ARMCX4: variants seen among roughly 807,000 people sequenced by gnomAD.
ARMCX4 encodes armadillo repeat-containing X-linked protein 4.
In ARMCX4, 3 loss-of-function variants were observed where a neutral mutation model predicts 34.7. The ratio of observed to expected loss-of-function variants is 0.09; its 90% CI spans 0.04 to 0.22. The LOEUF (loss-of-function observed/expected upper bound fraction) is 0.22. Among genes scored for constraint, ARMCX4 ranks in the 10% least tolerant of loss-of-function variants. The probability of loss-of-function intolerance (pLI) is 1.00; values close to 1 mark genes in which losing one functional copy is unlikely to be tolerated. For missense variants in ARMCX4, 1,448 were observed against 1,720.8 expected (o/e 0.84, Z 2.81); for synonymous variants, 513 against 632.8 (o/e 0.81, Z 2.84).
At position 101,492,486 on chromosome X, in the gene ARMCX4, C is replaced by T. The variant is rs1027597042; in HGVS notation, c.3897C>T (p.Ala1299=). ...VSYWAGVVDQ[A]GGGSWAGTSD... ...ACTGGGCTGGGGTTGTGGATCAGGC[C>T]GGTGGAGGGTCCTGGGCTGGGACTA... The change falls in exon 6 of 6, where the codon GCC becomes GCT. Residue 1299 remains alanine (A), a synonymous_variant. Coordinates refer to ENST00000423738, the MANE Select transcript of ARMCX4 (RefSeq NM_001256155.3). The T allele has an allele frequency of 6.3e-5, 72 of 1,149,604 alleles. 1 individual carries two copies. Among genetic ancestry groups the T allele is most frequent in the East Asian group, 5.9e-4 (18 of 30,566 alleles). The allele number at this position is 1,149,604 out of a possible 1,213,427, so 94.7% of individuals were successfully genotyped here.
chrX:101,513,034 T>C (rs1556016824), intron 11 of ARMCX4, among the ~76,000 whole-genome samples: 1 of 109,194 alleles, frequency 9.2e-6, no homozygotes, highest in Non-Finnish European at 1.9e-5. Flanking sequence ...GTAGGGCATG[T>C]TGCAGGCTAG....
At chrX:101,435,682 C>G (rs1359492580) in intron 2 of ARMCX4, among the ~76,000 whole-genome samples, 1 of 109,258 alleles carries the variant, frequency 9.2e-6, no homozygotes, top group Non-Finnish European at 1.9e-5. Flanking sequence ...CTTTTGTTGC[C>G]ATTGCTTTTG....
intron 11 of ARMCX4, among the ~76,000 whole-genome samples, chrX:101,523,413 C>T (rs965915687): frequency 7.1e-5 from 8 of 112,043 alleles, no homozygotes; most frequent in African/African-American, 2.6e-4. Context: ...CATCTCCAAG[C>T]CATCCACATA....
At chrX:101,485,861 C>T (rs1372941239) in intron 1 of ARMCX4, among the ~76,000 whole-genome samples, 162 bp from the exon 2 acceptor site, 1 of 111,546 alleles carries the variant, frequency 9.0e-6, no homozygotes, top group Non-Finnish European at 1.9e-5. Context: ...AATGGTGGGC[C>T]TTAGAGACTG....
At chrX:101,485,781 G>A (rs139967133) in intron 1 of ARMCX4, among the ~76,000 whole-genome samples, 352 of 112,211 alleles carry the variant, frequency 3.1e-3, no homozygotes, top group Non-Finnish European at 4.7e-3. Context: ...CTAATCACTG[G>A]CCACACATGT....
At chrX:101,495,993 A>G (rs1206286614), downstream of ARMCX4, among the ~76,000 whole-genome samples, 2 of 111,692 alleles carry the variant, frequency 1.8e-5, no homozygotes, top group East Asian at 5.6e-4. Flanking sequence ...GGGGACCCTT[A>G]GGTAAGCTGG....
chrX:101,491,750 C>A lies in ARMCX4; in HGVS notation c.3161C>A (p.Ala1054Glu), dbSNP rs1475617806. 2.6e-6 allele frequency: 3 copies of A among 1,155,431 alleles called. No homozygotes were observed. Among genetic ancestry groups the A allele is most frequent in the Non-Finnish European group, 3.4e-6 (3 of 872,630 alleles). The change falls in exon 6 of 6, where the codon GCA (alanine) becomes GAA (glutamate). Residue 1054 changes from alanine (A) to glutamate (E), a missense_variant. Physicochemically the swap from Ala to Glu is moderately radical, Grantham distance 107. Transcript: ENST00000423738. ...ARDKSMSTSE[A>E]EATAEDEAYA... ...GACAAGTCTATGTCCACTTCTGAGGCAGAAGCCACAGCAGAAGATGAGGCC... is the reference window on the plus strand; with the variant it reads ...GACAAGTCTATGTCCACTTCTGAGGAAGAAGCCACAGCAGAAGATGAGGCC...
chrX:101,426,566 A>G (rs1009630562), intron 2 of ARMCX4, among the ~76,000 whole-genome samples: 2 of 111,849 alleles, frequency 1.8e-5, no homozygotes, highest in Non-Finnish European at 3.8e-5. Context: ...AGAAAAATAG[A>G]AGGACTGCTG....
chrX:101,445,829 G>T (rs1234972697), intron 3 of ARMCX4, among the ~76,000 whole-genome samples: 1 of 111,059 alleles, frequency 9.0e-6, no homozygotes, highest in Admixed American at 9.6e-5. Flanking sequence ...ACCCTGGGGA[G>T]GAGAGTTCTG....
intron 2 of ARMCX4, among the ~76,000 whole-genome samples, chrX:101,433,331 CAT>C (rs782576373): frequency 9.1e-5 from 9 of 98,417 alleles, no homozygotes; most frequent in Admixed American, 3.2e-4. Context: ...TACATATAAA[CAT>C]ATGTACATAT....
At chrX:101,502,469 G>A (rs1556013909) in intron 7 of ARMCX4, among the ~76,000 whole-genome samples, 1 of 111,691 alleles carries the variant, frequency 9.0e-6, no homozygotes, top group Non-Finnish European at 1.9e-5. Flanking sequence ...CAAACTCCTG[G>A]GCTTGAGGGC....
chrX:101,458,058 A>G (rs782652645), intron 4 of ARMCX4, among the ~76,000 whole-genome samples: 1 of 111,291 alleles, frequency 9.0e-6, no homozygotes, highest in South Asian at 3.9e-4. Flanking sequence ...ACCTTCTGTA[A>G]ATGGAAAATT....
intron 2 of ARMCX4, among the ~76,000 whole-genome samples, chrX:101,433,206 ATATACGCACATATATACATATATG>A (rs1930383546): frequency 2.0e-4 from 6 of 29,833 alleles, no homozygotes; most frequent in African/African-American, 4.4e-4. Context: ...ATATATGTGC[ATATACGCACATATATACATATATG>A]TACACATATG....
chrX:101,475,585 A>G (rs1198533207), intron 4 of ARMCX4, among the ~76,000 whole-genome samples: 1 of 112,005 alleles, frequency 8.9e-6, no homozygotes, highest in Non-Finnish European at 1.9e-5. Context: ...GGTTGTATTC[A>G]CTTAAAAAGA....
chrX:101,474,982 GAA>G (rs1224232813), intron 4 of ARMCX4, among the ~76,000 whole-genome samples: 731 of 63,303 alleles, frequency 0.012, 3 homozygotes, highest in Non-Finnish European at 0.019. Context: ...GGAGAAGGAA[GAA>G]AAAAAAAAAA....
chrX:101,433,015 CAT>C (rs782739743), intron 2 of ARMCX4, among the ~76,000 whole-genome samples: 10 of 79,932 alleles, frequency 1.3e-4, no homozygotes, highest in Non-Finnish European at 2.4e-4. Context: ...TATATATACA[CAT>C]ATGTATACAT....
chrX:101,513,090 T>C (rs1934630423), intron 11 of ARMCX4, among the ~76,000 whole-genome samples: 1 of 110,208 alleles, frequency 9.1e-6, no homozygotes, highest in African/African-American at 3.3e-5. Flanking sequence ...GTCCTTCTTC[T>C]CCAGGAAGCC....
chrX:101,438,407 T>C (rs1411539680), intron 2 of ARMCX4, among the ~76,000 whole-genome samples: 4 of 110,946 alleles, frequency 3.6e-5, no homozygotes, highest in Non-Finnish European at 7.6e-5. Flanking sequence ...TACTAAAAAA[T>C]AAAAATAATT....
rs1556009689 is a variant in ARMCX4 at position 101,492,377 on chromosome X, G to C, written c.3788G>C (p.Gly1263Ala). The change falls in exon 6 of 6, where the codon GGA becomes GCA. Residue 1263 changes from glycine (G) to alanine (A), a missense_variant. By Grantham distance (60) the Gly-to-Ala change is moderately conservative. Coordinates refer to ENST00000423738, the MANE Select transcript of ARMCX4 (RefSeq NM_001256155.3). ...TCCTGGGTTGGGGAAGAGGCCATTGGAGGGTCCTGGACTGGGGCTGAGAAC... is the reference window on the plus strand; with the variant it reads ...TCCTGGGTTGGGGAAGAGGCCATTGCAGGGTCCTGGACTGGGGCTGAGAAC... ...GVSWVGEEAI[G>A]GSWTGAENQA... 2 of 1,153,819 alleles carry C rather than the reference G, an allele frequency of 1.7e-6. No homozygotes were observed. Among genetic ancestry groups the C allele is most frequent in the East Asian group, 6.5e-5 (2 of 30,701 alleles).
Sources: gnomAD v4.1 joint callset for allele counts (sites outside exome capture counted in the v4.1 genomes callset) on GRCh38, gnomAD v4.1.1 for gene constraint, MANE v1.5 for transcripts, NCBI Gene and HGNC (gene_info 2026-07-23, HGNC 2026-07-21) for gene names.